Variants in JHY observed in about 807,000 individuals in gnomAD.
The protein encoded by JHY is junctional cadherin complex regulator, also known as jhy protein homolog.
In JHY, 69 loss-of-function variants were observed where a neutral mutation model predicts 78.0. The ratio of observed to expected loss-of-function variants is 0.88; its 90% CI spans 0.73 to 1.08. JHY has a LOEUF of 1.08. Ranked by LOEUF, JHY falls within the 50% of genes least tolerant of loss-of-function variation. The pLI is 0.00. For synonymous variants in JHY, 368 were observed against 342.6 expected (o/e 1.07, Z -0.82); for missense variants, 944 against 927.8 (o/e 1.02, Z -0.23).
intron 3 of JHY, chr11:122,905,406 G>T: frequency 1.4e-6 from 2 of 1,439,738 alleles, no homozygotes; most frequent in Admixed American, 2.8e-5. Context: ...CAAAGGAGAG[G>T]TTATTATGTT....
chr11:122,936,932 C>T (rs1006939064), intron 5 of JHY, among the ~76,000 whole-genome samples: 3 of 152,128 alleles, frequency 2.0e-5, no homozygotes, highest in Non-Finnish European at 4.4e-5. Flanking sequence ...TACAATTGGC[C>T]TTACCTGTTA....
chr11:122,945,777 T>C (rs1863949451), intron 5 of JHY, among the ~76,000 whole-genome samples: 1 of 152,212 alleles, frequency 6.6e-6, no homozygotes, highest in Non-Finnish European at 1.5e-5. Context: ...TATTGTCCTA[T>C]AGATATTCAC....
chr11:122,955,152 TC>T (rs1864163048), intron 6 of JHY, among the ~76,000 whole-genome samples: 1 of 152,042 alleles, frequency 6.6e-6, no homozygotes, highest in Admixed American at 6.6e-5. Flanking sequence ...ATAGAATCTC[TC>T]TCTGTCACTC....
chr11:122,886,436 GTCCATAT>G (rs1420911886), intron 2 of JHY, among the ~76,000 whole-genome samples: 1 of 152,068 alleles, frequency 6.6e-6, no homozygotes, highest in Non-Finnish European at 1.5e-5. Flanking sequence ...TTTACTTCCT[GTCCATAT>G]TCCAAGTGTC....
Position 122,905,011 on chromosome 11 carries a change from A to C in JHY, c.864+567A>C, listed in dbSNP as rs189117616. 1.7e-3 allele frequency among the ~76,000 whole-genome samples: 265 copies of C among 152,056 alleles called. 4 individuals carry two copies. The highest frequency in any genetic ancestry group is 6.2e-4 in the Non-Finnish European group (42 of 67,970). On this transcript the variant is annotated intron_variant, in intron 3 of 8. Transcript: ENST00000227349. Reference sequence around the variant, plus strand: ...GGTCGGGGAGTGGGTAGGGTACAACATAAGGTGGGTTTTTTTTTTCAATCT... The same window carrying C: ...GGTCGGGGAGTGGGTAGGGTACAACCTAAGGTGGGTTTTTTTTTTCAATCT...
intron 3 of JHY, among the ~76,000 whole-genome samples, chr11:122,918,332 A>C (rs1237795823): frequency 2.6e-5 from 4 of 151,528 alleles, no homozygotes; most frequent in Admixed American, 1.3e-4. Flanking sequence ...AAAATAGATA[A>C]ATTAGTGCAT....
intron 2 of JHY, among the ~76,000 whole-genome samples, chr11:122,889,949 A>G (rs1249242148): frequency 1.3e-5 from 2 of 151,966 alleles, no homozygotes; most frequent in African/African-American, 2.4e-5. Flanking sequence ...GTCTTACCAC[A>G]TTGCCCAGGC....
rs1009234291 is a variant in JHY, at chr11:122,935,107, A to G, written c.1634+32A>G. The G allele has an allele frequency of 6.6e-7, 1 of 1,515,248 alleles. No homozygotes were observed. Among genetic ancestry groups the G allele is most frequent in the Non-Finnish European group, 8.9e-7 (1 of 1,129,046 alleles). The allele number at this position is 1,515,248 out of a possible 1,614,324, so 93.9% of individuals were successfully genotyped here. A position where few individuals can be genotyped will look rare whatever the true frequency, so the allele number is the denominator to read the frequency against. ...ATTCCCTTTTCTCAAGTGGTTTTCT[A>G]GAGGAGAAAGGAGAGACTGCTGCAG... On this transcript the variant is annotated intron_variant, in intron 5 of 8. Coordinates refer to ENST00000227349, the MANE Select transcript of JHY (RefSeq NM_024806.4). The surrounding 1 kb of genome is among the most constrained non-coding windows in gnomAD (Gnocchi z 4.5).
Position 122,904,146 on chromosome 11 carries a change from CT to C in JHY, c.569del (p.Leu190TyrfsTer7). ...EQKESPQSAA[S>X]LLGSEFLSPN... ...AAAGAGAGTCCACAGAGTGCAGCTT[CT>C]TTACTTGGTAGTGAATTTTTAAGCC... On this transcript the variant is annotated frameshift_variant, in exon 3 of 9. Transcript: ENST00000227349. LOFTEE classifies it high-confidence loss of function. 1.2e-6 allele frequency: 2 copies of C among 1,614,172 alleles called. No homozygotes were observed. The highest frequency in any genetic ancestry group is 1.7e-6 in the Non-Finnish European group (2 of 1,180,036).
At chr11:122,948,392 G>A (rs1050193833) in intron 6 of JHY, among the ~76,000 whole-genome samples, 6 of 151,370 alleles carry the variant, frequency 4.0e-5, no homozygotes, top group African/African-American at 1.5e-4. Flanking sequence ...GCAGTGAGTC[G>A]AGATTGCACC....
intron 2 of JHY, among the ~76,000 whole-genome samples, chr11:122,890,813 A>G (rs1244008876): frequency 6.6e-6 from 1 of 152,198 alleles, no homozygotes; most frequent in Admixed American, 6.5e-5. Flanking sequence ...TTAATGATGA[A>G]CTGTAAATCC....
chr11:122,936,246 G>T (rs1341161768), intron 5 of JHY, among the ~76,000 whole-genome samples: 1 of 152,164 alleles, frequency 6.6e-6, no homozygotes, highest in Non-Finnish European at 1.5e-5. Context: ...AGGTACAAAA[G>T]AAGTATGGTG....
intron 6 of JHY, among the ~76,000 whole-genome samples, chr11:122,954,808 G>C (rs1864157020): frequency 9.8e-6 from 1 of 101,650 alleles, no homozygotes; most frequent in South Asian, 3.0e-4. Context: ...TAAATAAATA[G>C]ATAAAATTTT....
At chr11:122,954,446 A>G (rs576706000) in intron 6 of JHY, among the ~76,000 whole-genome samples, 1 of 152,350 alleles carries the variant, frequency 6.6e-6, no homozygotes, top group South Asian at 2.1e-4. Context: ...TGAGTAGGAC[A>G]TGTTCTTGTA....
At chr11:122,905,283 T>C in intron 3 of JHY, 1 of 1,613,114 alleles carries the variant, frequency 6.2e-7, no homozygotes, top group Middle Eastern at 1.7e-4. Flanking sequence ...CCACCTCCTA[T>C]GGACATGTCC....
chr11:122,904,595 T>C, intron 3 of JHY, 151 bp downstream of exon 3: 3 of 860,608 alleles, frequency 3.5e-6, no homozygotes, highest in Admixed American at 2.8e-5. Flanking sequence ...CTATCCTGTA[T>C]GTTTATGTTT....
intron 3 of JHY, among the ~76,000 whole-genome samples, chr11:122,924,500 A>G (rs1289678115): frequency 6.6e-6 from 1 of 152,224 alleles, no homozygotes; most frequent in Non-Finnish European, 1.5e-5. Context: ...TTCCATGTGT[A>G]GAAAACATTG....
At chr11:122,910,803 G>A (rs1176504138) in intron 3 of JHY, among the ~76,000 whole-genome samples, 1 of 152,064 alleles carries the variant, frequency 6.6e-6, no homozygotes, top group Non-Finnish European at 1.5e-5. Flanking sequence ...AATGGCTTAG[G>A]GTAGAACTAT....
In JHY at chr11:122,904,334, A is replaced by G; in HGVS notation, c.754A>G (p.Lys252Glu). 6.2e-7 allele frequency: 1 copy of G among 1,614,184 alleles called. No individual in the cohort carries two copies. Among genetic ancestry groups the G allele is most frequent in the Non-Finnish European group, 8.5e-7 (1 of 1,180,030 alleles). Residue 252 changes from lysine to glutamate, a missense_variant, in exon 3 of 9, where the codon AAA becomes GAA. Transcript: ENST00000227349. ...GSRGPRRRKSKQHFVEKNKLT... is the reference protein window; with the variant it reads ...GSRGPRRRKSEQHFVEKNKLT... ...ACGTGGCCCTCGGCGAAGGAAATCC[A>G]AACAACATTTTGTGGAAAAAAACAA...
Sources: allele counts gnomAD v4.1 joint callset (sites outside exome capture counted in the v4.1 genomes callset), GRCh38; gene constraint gnomAD v4.1.1; non-coding constraint Gnocchi (gnomAD v3.1); transcripts MANE v1.5; gene names NCBI Gene and HGNC (gene_info 2026-07-23, HGNC 2026-07-21).